The following LNPK variants were observed in gnomAD, a reference collection of about 807,000 sequenced individuals.
LNPK encodes the protein lunapark, ER junction formation factor.
LNPK carries 29 observed loss-of-function variants against 55.2 expected under a neutral mutation model. That is an observed-to-expected ratio of 0.53 (90% CI 0.39 to 0.72). The LOEUF (loss-of-function observed/expected upper bound fraction) is 0.72. Ranked by LOEUF, LNPK falls within the 30% of genes least tolerant of loss-of-function variation. The pLI is 0.00. For missense variants in LNPK, 467 were observed against 494.8 expected, an observed-to-expected ratio of 0.94 and a Z score of 0.53; for synonymous variants, 162 against 168.2, an observed-to-expected ratio of 0.96 and a Z score of 0.29.
At chr2:175,948,294 C>A (rs764151164) in intron 8 of LNPK, among the ~76,000 whole-genome samples, 2 of 152,174 alleles carry the variant, frequency 1.3e-5, no homozygotes, top group Non-Finnish European at 2.9e-5. Context: ...TACATCTTAG[C>A]TTATAGTTAC....
chr2:175,974,911 C>T (rs559433462), intron 5 of LNPK, among the ~76,000 whole-genome samples: 1 of 151,944 alleles, frequency 6.6e-6, no homozygotes, highest in East Asian at 1.9e-4. Context: ...CCTTTCATAA[C>T]CACGTCCAGA....
At chr2:175,993,566 G>A (rs1190251797) in intron 2 of LNPK, among the ~76,000 whole-genome samples, 1 of 152,130 alleles carries the variant, frequency 6.6e-6, no homozygotes, top group Non-Finnish European at 1.5e-5. Flanking sequence ...TGCACTTTGG[G>A]AGGCCAAGGT....
intron 5 of LNPK, among the ~76,000 whole-genome samples, chr2:175,972,196 T>TG (rs1686694818): frequency 6.6e-6 from 1 of 152,188 alleles, no homozygotes; most frequent in African/African-American, 2.4e-5. Flanking sequence ...ATTACAGGCA[T>TG]GAGCCACTGA....
chr2:175,971,560 T>A (rs964229389), intron 5 of LNPK, among the ~76,000 whole-genome samples: 28 of 152,172 alleles, frequency 1.8e-4, no homozygotes, highest in African/African-American at 6.5e-4. Context: ...CTGTTCTTAA[T>A]ACTTAATTAA....
At chr2:175,948,919 T>C (rs1488500646) in intron 8 of LNPK, among the ~76,000 whole-genome samples, 1 of 152,154 alleles carries the variant, frequency 6.6e-6, no homozygotes, top group African/African-American at 2.4e-5. Flanking sequence ...TCAGATAGGT[T>C]ACTTAACTTT....
intron 4 of LNPK, among the ~76,000 whole-genome samples, chr2:175,982,504 A>G (rs1687221346): frequency 6.6e-6 from 1 of 152,192 alleles, no homozygotes; most frequent in Admixed American, 6.5e-5. Context: ...CAAGACTTCA[A>G]AAGGTAAAAC....
intron 1 of LNPK, among the ~76,000 whole-genome samples, 170 bp downstream of exon 1, chr2:176,001,990 C>T (rs113911468): frequency 7.2e-5 from 11 of 152,360 alleles, no homozygotes; most frequent in African/African-American, 1.9e-4. Flanking sequence ...CTGCGCGGAC[C>T]ACCGCGCAGC....
At chr2:175,972,509 TATA>T (rs1208907744) in intron 5 of LNPK, among the ~76,000 whole-genome samples, 4 of 152,116 alleles carry the variant, frequency 2.6e-5, no homozygotes, top group Non-Finnish European at 5.9e-5. Context: ...GTTCAACCTA[TATA>T]ATAATTGAGT....
chr2:175,970,761 T>C lies in LNPK; in HGVS notation c.357+3A>G. 7.5e-7 allele frequency: 1 copy of C among 1,330,760 alleles called. No homozygotes were observed. 82.4% of individuals were successfully genotyped at this position (1,330,760 alleles called of 1,614,324 possible). On this transcript the variant is annotated splice_donor_region_variant and intron_variant, in intron 6 of 12. Coordinates refer to ENST00000272748, the MANE Select transcript of LNPK (RefSeq NM_030650.3). ...AATTAATTTTAAATAAAAGTTAACT[T>C]ACTATTTTTTTCCTCTGGGATTTTA...
At chr2:175,977,749 A>G (rs1164875421) in intron 5 of LNPK, among the ~76,000 whole-genome samples, 6 of 152,200 alleles carry the variant, frequency 3.9e-5, no homozygotes, top group African/African-American at 7.2e-5. Flanking sequence ...AAAAGAAGAG[A>G]TAACAACTAC....
chr2:175,947,215 T>C (rs1347351564), intron 9 of LNPK, among the ~76,000 whole-genome samples: 2 of 152,174 alleles, frequency 1.3e-5, no homozygotes, highest in African/African-American at 4.8e-5. Context: ...GCTGTACTGT[T>C]GGCTACAGAA....
chr2:175,962,847 C>G lies in LNPK; in HGVS notation c.493+1525G>C, dbSNP rs1261958587. Among the ~76,000 whole-genome samples, 7 of 151,460 alleles carry G rather than the reference C, an allele frequency of 4.6e-5. No homozygotes were observed. The East Asian group carries it at 1.4e-3, about 29-fold the overall frequency. ...ATCCAGAATCTACAATGAACTCAAA[C>G]AAATTTACAAGAAAAAAACAAACAA... is the stretch of plus-strand genomic sequence containing the variant. On this transcript the variant is annotated intron_variant, in intron 8 of 12. Coordinates refer to ENST00000272748, the MANE Select transcript of LNPK (RefSeq NM_030650.3).
rs1685221942 is a variant in LNPK at position 175,947,820 on chromosome 2, A to G, written c.494-128T>C. 4 of 546,602 alleles carry G rather than the reference A, an allele frequency of 7.3e-6. No homozygotes were observed. In the South Asian group the frequency reaches 1.6e-4, roughly 22 times the overall value. The allele number at this position is 546,602 out of a possible 1,614,324, so 33.9% of individuals were successfully genotyped here. Reference sequence around the variant, plus strand: ...TGTAGTGTCAAAATTACTTATAATAATAAATCTATAATATGTGACATTGAA... The same window carrying G: ...TGTAGTGTCAAAATTACTTATAATAGTAAATCTATAATATGTGACATTGAA... On this transcript the variant is annotated intron_variant, in intron 8 of 12. Transcript: ENST00000272748.
intron 5 of LNPK, 67 bp downstream of exon 5, chr2:175,979,743 G>A (rs1235968886): frequency 1.6e-6 from 2 of 1,287,810 alleles, no homozygotes; most frequent in Admixed American, 5.6e-5. Flanking sequence ...TTTACAACCT[G>A]TCTTACCAGC....
chr2:175,941,802 A>G (rs561046459), intron 9 of LNPK, among the ~76,000 whole-genome samples: 4 of 148,382 alleles, frequency 2.7e-5, no homozygotes, highest in African/African-American at 7.4e-5. Flanking sequence ...AAAAAAAAAA[A>G]AAAAAGAAAA....
At chr2:175,946,149 C>T (rs1310923035) in intron 9 of LNPK, among the ~76,000 whole-genome samples, 10 of 152,208 alleles carry the variant, frequency 6.6e-5, no homozygotes, top group South Asian at 4.1e-4. Flanking sequence ...GGCTATTATT[C>T]CTTCTATAGC....
At position 175,923,884 on chromosome 2, in the gene LNPK, A is replaced by AG. The variant is rs1683897144; in HGVS notation, c.*6082dup. Reference sequence around the variant, plus strand: ...ATATATGGAGTGATAAAATTTAATAAGGTTTTCATTCTGTACTCAATTTTT... The same window carrying AG: ...ATATATGGAGTGATAAAATTTAATAAGGGTTTTCATTCTGTACTCAATTTTT... On this transcript the variant is annotated 3_prime_UTR_variant, in exon 13 of 13. Transcript: ENST00000272748. 1 of 152,168 alleles carries AG rather than the reference A, an allele frequency of 6.6e-6. No homozygotes were observed. Among genetic ancestry groups the AG allele is most frequent in the African/African-American group, 2.4e-5 (1 of 41,452 alleles). 9.4% of individuals were successfully genotyped at this position (152,168 alleles called of 1,614,324 possible).
intron 5 of LNPK, among the ~76,000 whole-genome samples, chr2:175,971,104 ATTTC>A (rs929878183): frequency 1.8e-3 from 279 of 152,206 alleles, no homozygotes; most frequent in South Asian, 6.2e-4. Flanking sequence ...ACTTTCTACT[ATTTC>A]TTTTTCCTTT....
At chr2:175,939,519 TTTTCA>T (rs759868819) in intron 10 of LNPK, 28 bp downstream of exon 10, 30 of 1,215,068 alleles carry the variant, frequency 2.5e-5, no homozygotes, top group Middle Eastern at 3.8e-4. Flanking sequence ...CCTGTTTTCA[TTTTCA>T]TTTATCTACC....
Sources: allele counts gnomAD v4.1 joint callset (sites outside exome capture counted in the v4.1 genomes callset), GRCh38; gene constraint gnomAD v4.1.1; transcripts MANE v1.5; gene names NCBI Gene and HGNC (gene_info 2026-07-23, HGNC 2026-07-21).